The following KIF21A variants were observed in gnomAD, a reference collection of about 807,000 sequenced individuals.
KIF21A encodes kinesin-like protein KIF21A.
Under a neutral mutation model 202.9 loss-of-function variants are expected in KIF21A, and 114 were observed. The ratio of observed to expected loss-of-function variants is 0.56; its 90% CI spans 0.48 to 0.66. The LOEUF (loss-of-function observed/expected upper bound fraction) is 0.66. Among genes scored for constraint, KIF21A ranks in the 30% least tolerant of loss-of-function variants. KIF21A has a pLI of 0.00. For synonymous variants in KIF21A, 667 were observed against 670.8 expected, an observed-to-expected ratio of 0.99 and a Z score of 0.09; for missense variants, 1,677 against 1,994.9, an observed-to-expected ratio of 0.84 and a Z score of 3.04.
rs746336762 is a variant in KIF21A, at chr12:39,337,225, T to A, written c.2311-22A>T. The A allele has an allele frequency of 5.6e-6, 8 of 1,415,968 alleles. No individual in the cohort carries two copies. The African/African-American group carries it at 9.9e-5, about 17-fold the overall frequency. The allele number at this position is 1,415,968 out of a possible 1,614,324, so 87.7% of individuals were successfully genotyped here. On this transcript the variant is annotated intron_variant, in intron 16 of 37. Transcript: ENST00000361418. The stretch of plus-strand genomic sequence containing the variant: ...GAACCTAACCAATTAGGTATAGACA[T>A]CTATTGAAATTACTCTGTCACAACA...
Position 39,320,032 on chromosome 12 carries a change from C to A in KIF21A, c.3672-19G>T. On this transcript the variant is annotated intron_variant, in intron 27 of 37. Coordinates refer to ENST00000361418, the MANE Select transcript of KIF21A (RefSeq NM_001173464.2). ...CCTGGAACTAAAGTAAAAGAAGATT[C>A]TTTAATTACCTAATTCTAAATTTGC... 5 of 1,372,898 alleles carry A rather than the reference C, an allele frequency of 3.6e-6. No homozygotes were observed. Among genetic ancestry groups the A allele is most frequent in the Non-Finnish European group, 5.2e-6 (5 of 968,966 alleles). The allele number at this position is 1,372,898 out of a possible 1,614,324, so 85.0% of individuals were successfully genotyped here.
At position 39,332,975 on chromosome 12, in the gene KIF21A, A is replaced by G; in HGVS notation, c.2620T>C (p.Ser874Pro). The change falls in exon 19 of 38, where the codon TCA (serine) becomes CCA (proline). Residue 874 changes from serine (S) to proline (P), a missense_variant. Physicochemically the swap from Ser to Pro is moderately conservative, Grantham distance 74. Transcript: ENST00000361418. ...ATTTTCTGCTGGGCTCCTGTCCTTG[A>G]TGCATCTGTTTCGACAGCAGCTGCA... Reference protein sequence around the residue: ...SSAAAVETDASRTGAQQKMRI... With the variant: ...SSAAAVETDAPRTGAQQKMRI... 6.2e-7 allele frequency: 1 copy of G among 1,614,146 alleles called. No homozygotes were observed. Among genetic ancestry groups the G allele is most frequent in the Non-Finnish European group, 8.5e-7 (1 of 1,180,010 alleles).
chr12:39,322,979 C>T (rs532349689), intron 26 of KIF21A, 97 bp from the exon 27 acceptor site: 2 of 908,012 alleles, frequency 2.2e-6, no homozygotes, highest in East Asian at 2.5e-5. Flanking sequence ...ATAGGTAAAA[C>T]ATTTAGCGTG....
intron 1 of KIF21A, among the ~76,000 whole-genome samples, chr12:39,382,472 G>C (rs1038674076): frequency 1.3e-5 from 2 of 152,086 alleles, no homozygotes; most frequent in Non-Finnish European, 2.9e-5. Context: ...ATAAAAACAT[G>C]AGTCATGTTT....
intron 1 of KIF21A, among the ~76,000 whole-genome samples, chr12:39,397,652 A>C (rs1393832103): frequency 6.6e-6 from 1 of 152,224 alleles, no homozygotes; most frequent in African/African-American, 2.4e-5. Context: ...TGAATGAGTG[A>C]AATTCAGGTT....
At chr12:39,413,433 C>T (rs1402863600) in intron 1 of KIF21A, among the ~76,000 whole-genome samples, 1 of 152,154 alleles carries the variant, frequency 6.6e-6, no homozygotes, top group Non-Finnish European at 1.5e-5. Context: ...AGGTGAAATA[C>T]TTAAAAGAGG....
Position 39,330,751 on chromosome 12 carries a change from A to G in KIF21A, c.3314T>C (p.Leu1105Ser). 6.2e-7 allele frequency: 1 copy of G among 1,613,906 alleles called. No homozygotes were observed. The highest frequency in any genetic ancestry group is 8.5e-7 in the Non-Finnish European group (1 of 1,179,774). Reference sequence around the variant, plus strand: ...TAAAATTGAGAGCAAATTACCTTGTAAAGCATGGCCTAGTAAAGCATCTAG... The same window carrying G: ...TAAAATTGAGAGCAAATTACCTTGTGAAGCATGGCCTAGTAAAGCATCTAG... Reference protein sequence around the residue: ...PELDALLGHALQDLDSVPLEN... With the variant: ...PELDALLGHASQDLDSVPLEN... The change falls in exon 23 of 38, where the codon TTA becomes TCA. Residue 1105 changes from leucine (L) to serine (S), a missense_variant. Physicochemically the swap from Leu to Ser is moderately radical, Grantham distance 145 (BLOSUM62 -2). Transcript: ENST00000361418.
intron 1 of KIF21A, among the ~76,000 whole-genome samples, chr12:39,424,943 T>C (rs1954627277): frequency 1.3e-5 from 2 of 152,156 alleles, no homozygotes; most frequent in African/African-American, 2.4e-5. Context: ...CCCAGACCTA[T>C]AAGGCCCTTA....
At chr12:39,311,876 C>T in intron 31 of KIF21A, 1 of 285,444 alleles carries the variant, frequency 3.5e-6, no homozygotes, top group South Asian at 4.4e-5. Context: ...GTACTGAATT[C>T]TGACAAATAA....
intron 37 of KIF21A, among the ~76,000 whole-genome samples, chr12:39,295,395 G>A (rs190938839): frequency 6.6e-5 from 10 of 152,088 alleles, no homozygotes; most frequent in African/African-American, 2.4e-4. Flanking sequence ...AATAAATAAA[G>A]AAGAGTTTCC....
At chr12:39,310,093 G>T (rs1243106507) in intron 32 of KIF21A, among the ~76,000 whole-genome samples, 1 of 151,998 alleles carries the variant, frequency 6.6e-6, no homozygotes, top group Admixed American at 6.6e-5. Flanking sequence ...TCTCAGATCA[G>T]CCTCTTCAAA....
At chr12:39,354,549 T>C (rs1948629161) in intron 10 of KIF21A, among the ~76,000 whole-genome samples, 2 of 152,202 alleles carry the variant, frequency 1.3e-5, no homozygotes, top group Non-Finnish European at 2.9e-5. Flanking sequence ...TATTATTATC[T>C]CACAAGTAAT....
At chr12:39,392,311 T>C (rs2139674479) in intron 1 of KIF21A, among the ~76,000 whole-genome samples, 1 of 152,248 alleles carries the variant, frequency 6.6e-6, no homozygotes, top group East Asian at 1.9e-4. Flanking sequence ...CATAAATATA[T>C]GTCTGGCTCT....
chr12:39,412,219 A>G (rs1198823225), intron 1 of KIF21A, among the ~76,000 whole-genome samples: 4 of 152,190 alleles, frequency 2.6e-5, no homozygotes, highest in Admixed American at 1.3e-4. Flanking sequence ...CAATAAGTAC[A>G]ATGATTAATG....
At chr12:39,320,125 T>C (rs1945047189) in intron 27 of KIF21A, 112 bp from the exon 28 acceptor site, 1 of 652,662 alleles carries the variant, frequency 1.5e-6, no homozygotes, top group Non-Finnish European at 2.7e-6. Flanking sequence ...CTCAGAAAGA[T>C]TATTACTTGA....
intron 5 of KIF21A, 113 bp downstream of exon 5, chr12:39,366,917 G>T: frequency 9.5e-7 from 1 of 1,048,526 alleles, no homozygotes; most frequent in East Asian, 2.5e-5. Flanking sequence ...AAGGAAATTA[G>T]AAAAAGGAAT....
chr12:39,379,013 T>C (rs1459743052), intron 1 of KIF21A, among the ~76,000 whole-genome samples: 1 of 151,986 alleles, frequency 6.6e-6, no homozygotes, highest in Non-Finnish European at 1.5e-5. Flanking sequence ...ACACAGTCCT[T>C]AGGGGCAGAA....
Position 39,374,430 on chromosome 12 carries a change from C to T in KIF21A, c.45-4169G>A, listed in dbSNP as rs1404151399. Among the ~76,000 whole-genome samples the T allele has an allele frequency of 2.6e-5, 4 of 152,186 alleles. No individual in the cohort carries two copies. In the East Asian group the frequency reaches 7.7e-4, roughly 29 times the overall value. Reference sequence around the variant, plus strand: ...TTTGGATTAACTAATCTTAATCAAACTGACTAACACTAAGAAATAACAAAG... The same window carrying T: ...TTTGGATTAACTAATCTTAATCAAATTGACTAACACTAAGAAATAACAAAG... On this transcript the variant is annotated intron_variant, in intron 1 of 37. Coordinates refer to ENST00000361418, the MANE Select transcript of KIF21A (RefSeq NM_001173464.2).
intron 1 of KIF21A, among the ~76,000 whole-genome samples, chr12:39,399,680 C>T (rs1952020937): frequency 6.6e-6 from 1 of 152,154 alleles, no homozygotes; most frequent in African/African-American, 2.4e-5. Context: ...GCTCAGCAGG[C>T]TAATTGGCAA....
Sources: allele counts gnomAD v4.1 joint callset (sites outside exome capture counted in the v4.1 genomes callset), GRCh38; gene constraint gnomAD v4.1.1; transcripts MANE v1.5; gene names NCBI Gene and HGNC (gene_info 2026-07-23, HGNC 2026-07-21).